NSF: variants seen among roughly 807,000 people sequenced by gnomAD.
NSF encodes the protein N-ethylmaleimide sensitive factor, vesicle fusing ATPase.
In NSF, 14 loss-of-function variants were observed where a neutral mutation model predicts 50.3. The observed-to-expected ratio is 0.28, with a 90% CI of 0.18 to 0.44. The LOEUF (loss-of-function observed/expected upper bound fraction) is 0.44. Among genes scored for constraint, NSF ranks in the 20% least tolerant of loss-of-function variants. NSF has a pLI of 1.00. For missense variants in NSF, 218 were observed against 504.3 expected, an observed-to-expected ratio of 0.43 and a Z score of 5.44; for synonymous variants, 109 against 175.7, an observed-to-expected ratio of 0.62 and a Z score of 3.00.
chr17:46,638,717 T>C (rs1364132051), intron 5 of NSF, among the ~76,000 whole-genome samples: 1 of 137,892 alleles, frequency 7.3e-6, no homozygotes, highest in Non-Finnish European at 1.5e-5. Flanking sequence ...GGTTTTGCCA[T>C]GTTGGCCAGG....
intron 15 of NSF, among the ~76,000 whole-genome samples, chr17:46,718,728 C>G (rs1418593352): frequency 6.6e-6 from 1 of 151,952 alleles, no homozygotes; most frequent in Non-Finnish European, 1.5e-5. Context: ...TCTCATCTGT[C>G]AAATGAAGAT....
At chr17:46,609,745 G>A (rs868230796) in intron 1 of NSF, among the ~76,000 whole-genome samples, 2 of 145,592 alleles carry the variant, frequency 1.4e-5, no homozygotes, top group East Asian at 1.9e-4. Context: ...GTGGCCTTAC[G>A]GATGTAAGTC....
intron 8 of NSF, among the ~76,000 whole-genome samples, chr17:46,655,555 CTT>C (rs1415665060): frequency 2.0e-5 from 1 of 50,138 alleles, no homozygotes; most frequent in Non-Finnish European, 3.4e-5. Context: ...TTCTGTAAAA[CTT>C]CTCTTTGTTG....
intron 13 of NSF, among the ~76,000 whole-genome samples, chr17:46,708,031 CAAAAAA>C (rs35548565): frequency 4.7e-5 from 4 of 85,556 alleles, no homozygotes; most frequent in Non-Finnish European, 7.8e-5. Flanking sequence ...GACCCTGTCT[CAAAAAA>C]AAAAAAAAAA....
At chr17:46,752,451 TTTATTA>T (rs566225224) in intron 19 of NSF, among the ~76,000 whole-genome samples, 12 of 151,228 alleles carry the variant, frequency 7.9e-5, no homozygotes, top group Admixed American at 6.6e-4. Flanking sequence ...TCAGTAAACT[TTTATTA>T]TTATTATTAT....
rs1162187499 is a variant in NSF at position 46,597,788 on chromosome 17, CTTTTTTTTTTTT to C, written c.12+7018_12+7029del. On this transcript the variant is annotated intron_variant, in intron 1 of 20. Coordinates refer to ENST00000398238, the MANE Select transcript of NSF (RefSeq NM_006178.4). ...ATGTTTTTGTTGTTGTTGCAATACT[CTTTTTTTTTTTT>C]TTTTTTTTTTTTTTTTGAGACAGAG... Among the ~76,000 whole-genome samples the C allele has an allele frequency of 3.8e-4, 17 of 44,168 alleles. 1 individual carries two copies. Among genetic ancestry groups the C allele is most frequent in the Admixed American group, 1.2e-3 (4 of 3,374 alleles). 29.0% of individuals were successfully genotyped at this position (44,168 alleles called of 152,430 possible).
intron 13 of NSF, among the ~76,000 whole-genome samples, chr17:46,710,191 G>A (rs1201686598): frequency 6.6e-6 from 1 of 152,100 alleles, no homozygotes; most frequent in African/African-American, 2.4e-5. Context: ...CATGTAGTAG[G>A]TTATGTTTTC....
rs142309757 is a variant in NSF at position 46,745,159 on chromosome 17, A to T, written c.1909-4614A>T. On this transcript the variant is annotated intron_variant, in intron 17 of 20. Transcript: ENST00000398238. ...GGGTTGAGCACCACTTTTGTTTTTAAAGCTGCATCCCCATTTCATGCTGCT... is the reference window on the plus strand; with the variant it reads ...GGGTTGAGCACCACTTTTGTTTTTATAGCTGCATCCCCATTTCATGCTGCT... Among the ~76,000 whole-genome samples, 428 of 152,224 alleles carry T rather than the reference A, an allele frequency of 2.8e-3. 3 individuals carry two copies. Among genetic ancestry groups the T allele is most frequent in the Non-Finnish European group, 4.3e-3 (293 of 67,996 alleles).
At chr17:46,708,808 A>G (rs939823914) in intron 13 of NSF, among the ~76,000 whole-genome samples, 2 of 97,008 alleles carry the variant, frequency 2.1e-5, no homozygotes, top group African/African-American at 8.2e-5. Flanking sequence ...TTTATTTTAT[A>G]TATATATATA....
At chr17:46,661,382 TTA>T (rs2058299213) in intron 8 of NSF, among the ~76,000 whole-genome samples, 3 of 68,456 alleles carry the variant, frequency 4.4e-5, no homozygotes, top group Non-Finnish European at 8.2e-5. Context: ...TTTCTTTTTA[TTA>T]TTATTATTAT....
At chr17:46,716,296 G>A (rs998388125) in intron 15 of NSF, among the ~76,000 whole-genome samples, 5 of 145,776 alleles carry the variant, frequency 3.4e-5, no homozygotes, top group African/African-American at 5.1e-5. Context: ...TTGCTCTGTC[G>A]CCCAGGCTGG....
In NSF at chr17:46,756,115, T is replaced by C. The variant is rs148814746; in HGVS notation, c.*292T>C. 5.9e-6 allele frequency: 2 copies of C among 340,276 alleles called. No individual in the cohort carries two copies. The highest frequency in any genetic ancestry group is 2.1e-5 in the African/African-American group (1 of 47,430). The allele number at this position is 340,276 out of a possible 1,614,324, so 21.1% of individuals were successfully genotyped here. A position where few individuals can be genotyped will look rare whatever the true frequency, so the allele number is the denominator to read the frequency against. On this transcript the variant is annotated 3_prime_UTR_variant, in exon 21 of 21. Transcript: ENST00000398238. Reference sequence around the variant, plus strand: ...CTCTGGGTGGGAACCATCCAGTACTTGTGGACACTACACGTTTCAACCTCT... The same window carrying C: ...CTCTGGGTGGGAACCATCCAGTACTCGTGGACACTACACGTTTCAACCTCT...
intron 12 of NSF, among the ~76,000 whole-genome samples, chr17:46,703,679 T>C (rs1325268613): frequency 2.3e-5 from 1 of 44,184 alleles, no homozygotes; most frequent in Non-Finnish European, 3.8e-5. Context: ...AGACTCCGTC[T>C]CAAAAAAAAA....
At chr17:46,742,050 GCC>G (rs1327355899) in intron 17 of NSF, among the ~76,000 whole-genome samples, 1 of 152,154 alleles carries the variant, frequency 6.6e-6, no homozygotes, top group Non-Finnish European at 1.5e-5. Context: ...CACTGCACTG[GCC>G]AATAGTACTT....
chr17:46,753,061 G>A (rs1468166312), intron 19 of NSF, among the ~76,000 whole-genome samples: 1 of 152,194 alleles, frequency 6.6e-6, no homozygotes, highest in East Asian at 1.9e-4. Context: ...GAGCCACTGC[G>A]CCCGGCCAGT....
intron 17 of NSF, among the ~76,000 whole-genome samples, chr17:46,733,381 T>A (rs1384865254): frequency 6.6e-6 from 1 of 152,046 alleles, no homozygotes; most frequent in Non-Finnish European, 1.5e-5. Context: ...ACAGAGTGTC[T>A]GAAAAGGAAC....
At chr17:46,710,654 A>G (rs1371732150) in intron 13 of NSF, among the ~76,000 whole-genome samples, 1 of 152,146 alleles carries the variant, frequency 6.6e-6, no homozygotes, top group Non-Finnish European at 1.5e-5. Context: ...CAAACTGCAT[A>G]CTGTTGATAA....
At chr17:46,638,575 C>G (rs576422623) in intron 5 of NSF, among the ~76,000 whole-genome samples, 1 of 108,140 alleles carries the variant, frequency 9.2e-6, no homozygotes, top group Non-Finnish European at 1.7e-5. Flanking sequence ...TGGGGTTTCA[C>G]CATGTTAATC....
intron 13 of NSF, among the ~76,000 whole-genome samples, chr17:46,707,333 A>G (rs563122198): frequency 5.2e-4 from 79 of 152,288 alleles, no homozygotes; most frequent in Admixed American, 9.8e-4. Flanking sequence ...TATTTGATTG[A>G]TACAAGTTCT....
Sources: allele counts gnomAD v4.1 joint callset (sites outside exome capture counted in the v4.1 genomes callset), GRCh38; gene constraint gnomAD v4.1.1; transcripts MANE v1.5; gene names NCBI Gene and HGNC (gene_info 2026-07-23, HGNC 2026-07-21).